AGAP1: variants seen among roughly 807,000 people sequenced by gnomAD.
The protein encoded by AGAP1 is ArfGAP with GTPase domain, ankyrin repeat and PH domain 1.
In AGAP1, 29 loss-of-function variants were observed where a neutral mutation model predicts 105.3. The ratio of observed to expected loss-of-function variants is 0.28; its 90% confidence interval spans 0.21 to 0.38. AGAP1 has a LOEUF of 0.38. Among genes scored for constraint, AGAP1 ranks in the 10% least tolerant of loss-of-function variants. The pLI is 1.00. For missense variants in AGAP1, 998 were observed against 1,165.1 expected, an observed-to-expected ratio of 0.86 and a Z score of 2.09; for synonymous variants, 509 against 485.9, an observed-to-expected ratio of 1.05 and a Z score of -0.63.
chr2:235,655,892 G>A lies in AGAP1; in HGVS notation c.164-53287G>A, dbSNP rs1430317034. 2.6e-5 allele frequency among the ~76,000 whole-genome samples: 4 copies of A among 152,182 alleles called. No homozygotes were observed. The East Asian group carries it at 7.7e-4, about 29-fold the overall frequency. The stretch of plus-strand genomic sequence containing the variant: ...GAATCTTTGTTGGAATATGACCCTG[G>A]GTTTTGTATGGAAAAGGGAGGGGGC... On this transcript the variant is annotated intron_variant, in intron 1 of 17. Coordinates refer to ENST00000304032, the MANE Select transcript of AGAP1 (RefSeq NM_001037131.3). This position sits in a 1 kb window ranked among gnomAD's most constrained non-coding sequence, Gnocchi z 4.3.
rs754122588 is a variant in AGAP1, at chr2:235,788,798, C to T, written c.674-8961C>T. On this transcript the variant is annotated intron_variant, in intron 6 of 17. Transcript: ENST00000304032. The surrounding 1 kb of genome is among the most constrained non-coding windows in gnomAD (Gnocchi z 6.0). ...AGCCCTCAGAAGCGCGCATTCAGAC[C>T]GGCAGTAGACAAAACCAGCTGCGGG... Among the ~76,000 whole-genome samples the T allele has an allele frequency of 3.9e-5, 6 of 152,110 alleles. No individual in the cohort carries two copies. The highest frequency in any genetic ancestry group is 5.9e-5 in the Non-Finnish European group (4 of 68,016).
At chr2:235,521,742 A>ATGTGTGTG (rs59090836) in intron 1 of AGAP1, among the ~76,000 whole-genome samples, 59 of 121,604 alleles carry the variant, frequency 4.9e-4, no homozygotes, top group Middle Eastern at 5.4e-3. Flanking sequence ...TGTTATATAT[A>ATGTGTGTG]TGTGTGTGTG....
At position 235,621,434 on chromosome 2, in the gene AGAP1, C is replaced by T. The variant is rs1039898981; in HGVS notation, c.164-87745C>T. On this transcript the variant is annotated intron_variant, in intron 1 of 17. Transcript: ENST00000304032. The surrounding 1 kb of genome is among the most constrained non-coding windows in gnomAD (Gnocchi z 4.1). ...GGGTTACGTGAAGTAAGCTTAGACA[C>T]GGCCGAATGAGCCAGAGCCTCTGCT... is the stretch of plus-strand genomic sequence containing the variant. Among the ~76,000 whole-genome samples, 10 of 152,282 alleles carry T rather than the reference C, an allele frequency of 6.6e-5. No individual in the cohort carries two copies. The highest frequency in any genetic ancestry group is 1.9e-4 in the East Asian group (1 of 5,176).
rs1382384380 is a variant in AGAP1, at chr2:235,553,120, G to A, written c.163+58271G>A. Reference sequence around the variant, plus strand: ...ATATACAGTCAGCTACTCACCACTCGAAAGCCAGACTTGAGAGACAAGGGT... The same window carrying A: ...ATATACAGTCAGCTACTCACCACTCAAAAGCCAGACTTGAGAGACAAGGGT... On this transcript the variant is annotated intron_variant, in intron 1 of 17. Transcript: ENST00000304032. This position sits in a 1 kb window ranked among gnomAD's most constrained non-coding sequence, Gnocchi z 4.5. 2.0e-5 allele frequency among the ~76,000 whole-genome samples: 3 copies of A among 152,212 alleles called. No individual in the cohort carries two copies. The highest frequency in any genetic ancestry group is 2.1e-4 in the South Asian group (1 of 4,832).
Position 236,095,551 on chromosome 2 carries a change from C to T in AGAP1, c.2115-24641C>T, listed in dbSNP as rs2059171636. 6.6e-6 allele frequency among the ~76,000 whole-genome samples: 1 copy of T among 151,954 alleles called. No homozygotes were observed. The highest frequency in any genetic ancestry group is 2.4e-5 in the African/African-American group (1 of 41,368). ...AAGATTAAAAAATAGGAAAAAAAGA[C>T]TCTCTAAAAAAATACAAGAAAAAGG... On this transcript the variant is annotated intron_variant, in intron 16 of 17. Coordinates refer to ENST00000304032, the MANE Select transcript of AGAP1 (RefSeq NM_001037131.3). The surrounding 1 kb of genome is among the most constrained non-coding windows in gnomAD (Gnocchi z 4.1).
chr2:235,881,815 G>C (rs2050037995), intron 9 of AGAP1, among the ~76,000 whole-genome samples: 1 of 152,216 alleles, frequency 6.6e-6, no homozygotes, highest in Non-Finnish European at 1.5e-5. Flanking sequence ...CTTCAAAAAT[G>C]TGTTGGTTTC....
chr2:235,993,132 G>A lies in AGAP1; in HGVS notation c.1645+24509G>A, dbSNP rs567752476. On this transcript the variant is annotated intron_variant, in intron 13 of 17. Coordinates refer to ENST00000304032, the MANE Select transcript of AGAP1 (RefSeq NM_001037131.3). The surrounding 1 kb of genome is among the most constrained non-coding windows in gnomAD (Gnocchi z 5.0). ...GTTGTGCTTCCTAAGTATTGATAGC[G>A]GCGTATATATAGGATTCCCACAATT... Among the ~76,000 whole-genome samples the A allele has an allele frequency of 7.9e-5, 12 of 152,232 alleles. No homozygotes were observed. In the South Asian group the frequency reaches 1.5e-3, roughly 18 times the overall value.
At chr2:235,807,860 C>T (rs554729967) in intron 9 of AGAP1, among the ~76,000 whole-genome samples, 18 of 152,248 alleles carry the variant, frequency 1.2e-4, no homozygotes, top group South Asian at 1.0e-3. Context: ...TGATTAGGTT[C>T]GGTTTCATTT....
chr2:235,966,565 C>A (rs1439140285), intron 12 of AGAP1, among the ~76,000 whole-genome samples: 2 of 152,250 alleles, frequency 1.3e-5, no homozygotes, highest in East Asian at 1.9e-4. Context: ...TGCTGAGACA[C>A]CGAATTGCCA....
At chr2:235,580,748 A>G (rs187689286) in intron 1 of AGAP1, among the ~76,000 whole-genome samples, 1 of 152,220 alleles carries the variant, frequency 6.6e-6, no homozygotes, top group African/African-American at 2.4e-5. Context: ...GACAGTCAGC[A>G]ATTGCAACAG....
chr2:235,837,144 C>T (rs1261330153), intron 9 of AGAP1, among the ~76,000 whole-genome samples: 2 of 152,272 alleles, frequency 1.3e-5, no homozygotes, highest in South Asian at 4.1e-4. Context: ...CAACACCACG[C>T]CTGGCTAATT....
At chr2:235,711,919 T>C (rs1349568514) in intron 2 of AGAP1, among the ~76,000 whole-genome samples, 1 of 151,052 alleles carries the variant, frequency 6.6e-6, no homozygotes, top group African/African-American at 2.5e-5. Context: ...CAATAGGCCC[T>C]TTATGTAACA....
Position 235,522,487 on chromosome 2 carries a change from C to T in AGAP1, c.163+27638C>T, listed in dbSNP as rs576149710. 3.9e-5 allele frequency among the ~76,000 whole-genome samples: 6 copies of T among 152,042 alleles called. No homozygotes were observed. In the East Asian group the frequency reaches 5.8e-4, roughly 15 times the overall value. On this transcript the variant is annotated intron_variant, in intron 1 of 17. Transcript: ENST00000304032. ...ATGGTGGAAGTGAGGAAGGAGAGGACGCAAGAGAATGGGAGACACCCTGGA... is the reference window on the plus strand; with the variant it reads ...ATGGTGGAAGTGAGGAAGGAGAGGATGCAAGAGAATGGGAGACACCCTGGA...
chr2:236,074,631 C>A (rs2058589848), intron 16 of AGAP1, among the ~76,000 whole-genome samples: 1 of 152,058 alleles, frequency 6.6e-6, no homozygotes, highest in Non-Finnish European at 1.5e-5. Flanking sequence ...TGTTACGAAA[C>A]ATTTATTGAA....
At chr2:235,776,908 G>A (rs573819633) in intron 6 of AGAP1, 5 of 470,680 alleles carry the variant, frequency 1.1e-5, no homozygotes, top group South Asian at 3.1e-5. Flanking sequence ...TGGCTTTTCC[G>A]CCAAACTGGA....
chr2:236,078,155 G>GGTGTGTGTGTGT lies in AGAP1; in HGVS notation c.2114+28883_2114+28894dup, dbSNP rs145700440. On this transcript the variant is annotated intron_variant, in intron 16 of 17. Transcript: ENST00000304032. The surrounding 1 kb of genome is among the most constrained non-coding windows in gnomAD (Gnocchi z 5.3). ...AAGTGTGTAGGGCAGGCCAGCCGGGGGTGTGTGTGTGTGTGTGTGTATATG... is the reference window on the plus strand; with the variant it reads ...AAGTGTGTAGGGCAGGCCAGCCGGGGGTGTGTGTGTGTGTGTGTGTGTGTGTGTGTGTATATG... Among the ~76,000 whole-genome samples the GGTGTGTGTGTGT allele has an allele frequency of 6.8e-6, 1 of 146,382 alleles. No individual in the cohort carries two copies. Among genetic ancestry groups the GGTGTGTGTGTGT allele is most frequent in the African/African-American group, 2.5e-5 (1 of 39,858 alleles).
At chr2:236,026,243 C>G (rs919107708) in intron 13 of AGAP1, among the ~76,000 whole-genome samples, 7 of 152,230 alleles carry the variant, frequency 4.6e-5, no homozygotes, top group African/African-American at 1.7e-4. Context: ...CAGGACTGAT[C>G]AGAGTGGCCA....
intron 1 of AGAP1, among the ~76,000 whole-genome samples, chr2:235,538,634 A>G (rs1171024060): frequency 6.6e-6 from 1 of 151,920 alleles, no homozygotes; most frequent in Admixed American, 6.6e-5. Flanking sequence ...CGCCACGGAG[A>G]CTGCTTACCC....
intron 1 of AGAP1, among the ~76,000 whole-genome samples, chr2:235,626,987 A>G (rs1158639882): frequency 6.6e-6 from 1 of 151,712 alleles, no homozygotes. Flanking sequence ...CAGCGCATAG[A>G]TATGTTGGGT....
Sources: gnomAD v4.1 joint callset for allele counts (sites outside exome capture counted in the v4.1 genomes callset) on GRCh38, gnomAD v4.1.1 for gene constraint, Gnocchi (gnomAD v3.1) non-coding constraint, MANE v1.5 for transcripts, NCBI Gene and HGNC (gene_info 2026-07-23, HGNC 2026-07-21) for gene names.